SYNPR: variants seen among roughly 807,000 people sequenced by gnomAD.
SYNPR encodes synaptoporin.
A neutral mutation model predicts 32.9 loss-of-function variants in SYNPR; 23 were observed. That is an observed-to-expected ratio of 0.70 (90% CI 0.50 to 0.99). The LOEUF (loss-of-function observed/expected upper bound fraction) is 0.99. Among genes scored for constraint, SYNPR ranks in the 50% least tolerant of loss-of-function variants. SYNPR has a pLI of 0.00. For missense variants in SYNPR, 318 were observed against 349.3 expected (o/e 0.91, Z 0.71); for synonymous variants, 146 against 135.9 (o/e 1.07, Z -0.52).
At chr3:63,419,453 G>A (rs2088579616) in intron 2 of SYNPR, among the ~76,000 whole-genome samples, 1 of 152,210 alleles carries the variant, frequency 6.6e-6, no homozygotes, top group African/African-American at 2.4e-5. Flanking sequence ...GTTGGTGACA[G>A]AGCTACCCCA....
At chr3:63,254,169 G>T (rs1229061958) in intron 2 of SYNPR, among the ~76,000 whole-genome samples, 7 of 152,114 alleles carry the variant, frequency 4.6e-5, no homozygotes, top group Non-Finnish European at 4.4e-5. Context: ...GGCGTGTTGT[G>T]GGGTGGGGGG....
intron 3 of SYNPR, among the ~76,000 whole-genome samples, chr3:63,494,273 G>T (rs959898864): frequency 6.7e-6 from 1 of 150,258 alleles, no homozygotes; most frequent in Admixed American, 6.6e-5. Context: ...TCACACCCCC[G>T]CCAACAATGT....
chr3:63,252,717 A>T (rs2106890801), intron 2 of SYNPR: 1 of 152,238 alleles, frequency 6.6e-6, no homozygotes, highest in Non-Finnish European at 1.5e-5. Flanking sequence ...CACTGAGCAA[A>T]TCACCAGAAT....
chr3:63,483,167 T>G (rs996168667), intron 3 of SYNPR, among the ~76,000 whole-genome samples: 4 of 152,236 alleles, frequency 2.6e-5, no homozygotes, highest in Non-Finnish European at 5.9e-5. Flanking sequence ...ATGTAATGCA[T>G]GTAATATGCA....
chr3:63,495,926 G>C (rs754601654), intron 3 of SYNPR, among the ~76,000 whole-genome samples: 1 of 149,434 alleles, frequency 6.7e-6, no homozygotes, highest in Non-Finnish European at 1.5e-5. Context: ...ACAGCATCAA[G>C]AGTGAGCCCA....
chr3:63,361,457 G>T (rs1355542741), intron 2 of SYNPR, among the ~76,000 whole-genome samples: 1 of 152,068 alleles, frequency 6.6e-6, no homozygotes, highest in African/African-American at 2.4e-5. Context: ...AATTAGCTGG[G>T]CATGGTGGCG....
At chr3:63,541,100 G>C (rs1460189271) in intron 3 of SYNPR, among the ~76,000 whole-genome samples, 1 of 151,634 alleles carries the variant, frequency 6.6e-6, no homozygotes, top group Admixed American at 6.6e-5. Flanking sequence ...CTGCTAGTCA[G>C]GGCTACTGAG....
intron 3 of SYNPR, among the ~76,000 whole-genome samples, chr3:63,496,237 A>C (rs2106727279): frequency 6.6e-6 from 1 of 152,244 alleles, no homozygotes; most frequent in South Asian, 2.1e-4. Flanking sequence ...ACGTTATTTC[A>C]GAACTTTTCT....
At chr3:63,296,954 G>C (rs890856181) in intron 2 of SYNPR, among the ~76,000 whole-genome samples, 18 of 152,154 alleles carry the variant, frequency 1.2e-4, no homozygotes, top group Admixed American at 2.0e-4. Context: ...CTTAAAATAA[G>C]GCTAGTGTGA....
intron 2 of SYNPR, among the ~76,000 whole-genome samples, chr3:63,350,874 G>C (rs977008555): frequency 6.6e-5 from 10 of 152,148 alleles, no homozygotes; most frequent in Non-Finnish European, 1.5e-5. Flanking sequence ...CCATCAGTTA[G>C]TGACTTCTCG....
intron 2 of SYNPR, among the ~76,000 whole-genome samples, chr3:63,405,418 C>G (rs2088346342): frequency 6.6e-6 from 1 of 152,088 alleles, no homozygotes; most frequent in Non-Finnish European, 1.5e-5. Context: ...CAGCAAAGCA[C>G]AGAAGGCTCT....
chr3:63,237,725 G>A (rs74681012), intron 1 of SYNPR, among the ~76,000 whole-genome samples: 2,318 of 151,964 alleles, frequency 0.015, 55 homozygotes, highest in African/African-American at 0.052. Flanking sequence ...TCGTTTTGTC[G>A]GCTGTGATGT....
At position 63,435,595 on chromosome 3, in the gene SYNPR, A is replaced by G. The variant is rs553031723; in HGVS notation, c.85-45237A>G. Among the ~76,000 whole-genome samples the G allele has an allele frequency of 4.6e-5, 7 of 152,322 alleles. No individual in the cohort carries two copies. In the South Asian group the frequency reaches 1.4e-3, roughly 32 times the overall value. The stretch of plus-strand genomic sequence containing the variant: ...CCTGGTTCCTTTGACTGCCCCTAGC[A>G]CACCCTCCCATCTTCATGGTGTGCC... On this transcript the variant is annotated intron_variant, in intron 2 of 5. Coordinates refer to ENST00000478300, the MANE Select transcript of SYNPR (RefSeq NM_001130003.2).
At chr3:63,583,589 C>T (rs1398897494) in intron 4 of SYNPR, among the ~76,000 whole-genome samples, 1 of 151,878 alleles carries the variant, frequency 6.6e-6, no homozygotes, top group Non-Finnish European at 1.5e-5. Context: ...TAACAAGGTG[C>T]CAGTTGGCAT....
intron 2 of SYNPR, among the ~76,000 whole-genome samples, chr3:63,407,395 C>A (rs543564493): frequency 6.6e-6 from 1 of 152,128 alleles, no homozygotes; most frequent in Non-Finnish European, 1.5e-5. Context: ...ATATAGTGGT[C>A]GAATCTGTGG....
intron 2 of SYNPR, among the ~76,000 whole-genome samples, chr3:63,318,310 G>A (rs1412615963): frequency 3.3e-5 from 5 of 151,932 alleles, no homozygotes; most frequent in East Asian, 1.9e-4. Flanking sequence ...CTCTAGCAAG[G>A]CCAGGGAAGT....
intron 2 of SYNPR, among the ~76,000 whole-genome samples, chr3:63,476,043 GA>G (rs547805694): frequency 1.6e-3 from 241 of 147,066 alleles, no homozygotes; most frequent in African/African-American, 6.0e-3. Flanking sequence ...TAGGGAGGAA[GA>G]AAGAGAAGGA....
intron 3 of SYNPR, among the ~76,000 whole-genome samples, chr3:63,486,201 G>T (rs913916575): frequency 6.6e-6 from 1 of 152,126 alleles, no homozygotes; most frequent in African/African-American, 2.4e-5. Flanking sequence ...GGGCCACCAT[G>T]CCTAGCCACA....
At chr3:63,517,654 A>G (rs1015384024) in intron 3 of SYNPR, among the ~76,000 whole-genome samples, 1 of 152,150 alleles carries the variant, frequency 6.6e-6, no homozygotes, top group Non-Finnish European at 1.5e-5. Flanking sequence ...CGTTCTCCAA[A>G]GAAATATGCA....
Sources: allele counts gnomAD v4.1 joint callset (sites outside exome capture counted in the v4.1 genomes callset), GRCh38; gene constraint gnomAD v4.1.1; transcripts MANE v1.5; gene names NCBI Gene and HGNC (gene_info 2026-07-23, HGNC 2026-07-21).